GALK2: variants seen among roughly 807,000 people sequenced by gnomAD.
The protein encoded by GALK2 is galactokinase 2.
GALK2 carries 36 observed loss-of-function variants against 52.4 expected under a neutral mutation model. The ratio of observed to expected loss-of-function variants is 0.69; its 90% CI spans 0.53 to 0.91. The LOEUF is 0.91. GALK2 is among the 40% of genes least tolerant of loss of function. The probability of loss-of-function intolerance (pLI) is 0.00; values close to 1 mark genes in which losing one functional copy is unlikely to be tolerated. For synonymous variants in GALK2, 176 were observed against 199.1 expected (o/e 0.88, Z 0.98); for missense variants, 579 against 559.1 (o/e 1.04, Z -0.36).
intron 5 of GALK2, among the ~76,000 whole-genome samples, chr15:49,279,690 AG>A (rs1315267137): frequency 6.6e-6 from 1 of 152,144 alleles, no homozygotes; most frequent in Non-Finnish European, 1.5e-5. Flanking sequence ...TGTTGAGGGG[AG>A]GGGACTTTTT....
chr15:49,170,431 C>T, intron 1 of GALK2, 56 bp downstream of exon 1: 1 of 1,531,670 alleles, frequency 6.5e-7, no homozygotes. Context: ...ACGTGTAGAT[C>T]GGGTCCACAG....
At chr15:49,314,510 G>C (rs1244631285) in intron 8 of GALK2, among the ~76,000 whole-genome samples, 1 of 152,138 alleles carries the variant, frequency 6.6e-6, no homozygotes, top group Non-Finnish European at 1.5e-5. Flanking sequence ...TATTGTACTT[G>C]TCTCACTACT....
chr15:49,259,932 A>G (rs2092015752), intron 5 of GALK2, among the ~76,000 whole-genome samples: 1 of 151,882 alleles, frequency 6.6e-6, no homozygotes, highest in Non-Finnish European at 1.5e-5. Flanking sequence ...ATGGCTGCAT[A>G]GTATTCCATG....
chr15:49,243,682 A>G (rs916295446), intron 5 of GALK2, among the ~76,000 whole-genome samples: 3 of 152,224 alleles, frequency 2.0e-5, no homozygotes, highest in Non-Finnish European at 2.9e-5. Flanking sequence ...TGCTGAGAGC[A>G]GAAGAATCAA....
At chr15:49,260,804 CACCATTT>C (rs1356649065) in intron 5 of GALK2, among the ~76,000 whole-genome samples, 1 of 152,112 alleles carries the variant, frequency 6.6e-6, no homozygotes, top group Non-Finnish European at 1.5e-5. Context: ...GTTTTCCCAG[CACCATTT>C]ATTAAATAGG....
intron 8 of GALK2, among the ~76,000 whole-genome samples, chr15:49,297,104 G>A (rs975250540): frequency 6.6e-6 from 1 of 152,214 alleles, no homozygotes; most frequent in African/African-American, 2.4e-5. Flanking sequence ...GTTGTTTTAT[G>A]ACTTTTTAGT....
At chr15:49,290,631 C>A (rs1207183303) in intron 7 of GALK2, among the ~76,000 whole-genome samples, 1 of 152,216 alleles carries the variant, frequency 6.6e-6, no homozygotes, top group Non-Finnish European at 1.5e-5. Flanking sequence ...TTGGAGATTA[C>A]TGTGGACTGA....
downstream of GALK2, among the ~76,000 whole-genome samples, chr15:49,333,807 T>C (rs990709840): frequency 3.9e-5 from 6 of 152,226 alleles, no homozygotes; most frequent in African/African-American, 1.2e-4. Flanking sequence ...CAATACTTTA[T>C]AGTTGTTCTT....
intron 5 of GALK2, among the ~76,000 whole-genome samples, chr15:49,255,328 TCA>T (rs1222060711): frequency 7.0e-6 from 1 of 143,446 alleles, no homozygotes; most frequent in Non-Finnish European, 1.6e-5. Context: ...ATAATAATAC[TCA>T]GTTTTACCAA....
At chr15:49,244,030 A>C (rs1474949116) in intron 5 of GALK2, among the ~76,000 whole-genome samples, 1 of 152,118 alleles carries the variant, frequency 6.6e-6, no homozygotes, top group Non-Finnish European at 1.5e-5. Context: ...AGAGAGAAAA[A>C]CAGGAAAATT....
intron 3 of GALK2, among the ~76,000 whole-genome samples, chr15:49,224,397 A>T (rs1403367013): frequency 6.6e-6 from 1 of 152,194 alleles, no homozygotes; most frequent in Non-Finnish European, 1.5e-5. Context: ...AGATTTAGCC[A>T]TAAAATCTTG....
At chr15:49,165,587 C>T (rs2084792794), upstream of GALK2, among the ~76,000 whole-genome samples, 1 of 151,922 alleles carries the variant, frequency 6.6e-6, no homozygotes, top group Non-Finnish European at 1.5e-5. Context: ...TTGAGATATG[C>T]TGGATTTTGG....
chr15:49,357,791 G>T (rs1210246766), intron 3 of GALK2, among the ~76,000 whole-genome samples: 5 of 151,944 alleles, frequency 3.3e-5, no homozygotes, highest in Admixed American at 2.6e-4. Context: ...CAAAAAAAGA[G>T]AATTTTAGAC....
intron 4 of GALK2, among the ~76,000 whole-genome samples, chr15:49,237,294 T>A (rs2090861151): frequency 6.6e-6 from 1 of 152,208 alleles, no homozygotes; most frequent in South Asian, 2.1e-4. Flanking sequence ...TCAGAAACTT[T>A]CAAATTCAAA....
intron 1 of GALK2, chr15:49,156,115 C>A: frequency 1.7e-6 from 2 of 1,155,216 alleles, no homozygotes; most frequent in Non-Finnish European, 2.6e-6. Flanking sequence ...ACAGTTTACA[C>A]TTAATGCTTG....
chr15:49,195,008 T>C (rs2053911016), intron 1 of GALK2: 1 of 410,486 alleles, frequency 2.4e-6, no homozygotes, highest in African/African-American at 2.1e-5. Context: ...TTGGGAGAAC[T>C]ACATCTTTAT....
chr15:49,206,392 T>C (rs958594076), intron 2 of GALK2, among the ~76,000 whole-genome samples: 2 of 151,964 alleles, frequency 1.3e-5, no homozygotes, highest in Admixed American at 6.6e-5. Context: ...GGGGACTGCA[T>C]TGAATTTGTA....
intron 3 of GALK2, among the ~76,000 whole-genome samples, chr15:49,223,540 C>A (rs1290895571): frequency 6.6e-6 from 1 of 152,158 alleles, no homozygotes; most frequent in Non-Finnish European, 1.5e-5. Flanking sequence ...CTCCCTACTG[C>A]CCCCGCCATT....
intron 5 of GALK2, among the ~76,000 whole-genome samples, chr15:49,269,258 G>A (rs16962236): frequency 0.06 from 9,177 of 152,200 alleles, 553 homozygotes; most frequent in African/African-American, 0.15. Flanking sequence ...AAAAAGTGCT[G>A]TACAAGAGAT....
Sources: allele counts gnomAD v4.1 joint callset (sites outside exome capture counted in the v4.1 genomes callset), GRCh38; gene constraint gnomAD v4.1.1; transcripts MANE v1.5; gene names NCBI Gene and HGNC (gene_info 2026-07-23, HGNC 2026-07-21).